Variants in ZNF718 observed in about 807,000 individuals in gnomAD.
The protein encoded by ZNF718 is zinc finger protein 718.
Under a neutral mutation model 2.6 loss-of-function variants are expected in ZNF718, and 3 were observed. The ratio of observed to expected loss-of-function variants is 1.16; its 90% CI spans 0.53 to 3.01. The LOEUF (loss-of-function observed/expected upper bound fraction) is 3.01, where lower values mean the gene tolerates loss of function less well. Among genes scored for constraint, ZNF718 ranks in the 30% most tolerant of loss-of-function variants. ZNF718 has a pLI of 0.03. For missense variants in ZNF718, 468 were observed against 230.0 expected (o/e 2.03, Z -6.69); for synonymous variants, 135 against 77.9 (o/e 1.73, Z -3.86).
chr4:150,641 A>C (rs1553812343), intron 3 of ZNF718, among the ~76,000 whole-genome samples: 1 of 152,112 alleles, frequency 6.6e-6, no homozygotes, highest in East Asian at 1.9e-4. Context: ...GATTTTCTTT[A>C]TCATCTGGCT....
chr4:175,723 A>G (rs1173035404), intron 3 of ZNF718, among the ~76,000 whole-genome samples: 1 of 152,160 alleles, frequency 6.6e-6, no homozygotes, highest in Non-Finnish European at 1.5e-5. Flanking sequence ...CAGATTTACT[A>G]ATATGCCTTT....
At chr4:140,395 G>C (rs899426009) in intron 3 of ZNF718, among the ~76,000 whole-genome samples, 1 of 152,280 alleles carries the variant, frequency 6.6e-6, no homozygotes, top group African/African-American at 2.4e-5. Context: ...TTGCAATGCT[G>C]TTTGGCCCCA....
chr4:136,333 G>C (rs1715570387), intron 3 of ZNF718: 2 of 519,064 alleles, frequency 3.9e-6, no homozygotes, highest in Non-Finnish European at 7.7e-6. Flanking sequence ...CTGCTTCAGG[G>C]AACATAGCTG....
intron 3 of ZNF718, among the ~76,000 whole-genome samples, chr4:192,550 C>G (rs546162524): frequency 2.0e-5 from 3 of 152,042 alleles, no homozygotes; most frequent in African/African-American, 7.3e-5. Context: ...TCTCAGTCCC[C>G]CCTCTCAACA....
intron 3 of ZNF718, among the ~76,000 whole-genome samples, chr4:175,888 G>A (rs936160329): frequency 1.4e-4 from 17 of 120,808 alleles, no homozygotes; most frequent in Non-Finnish European, 2.7e-4. Flanking sequence ...ATGGAGTCTC[G>A]CTCTGTGGCC....
chr4:125,624 G>T (rs1173571529), intron 1 of ZNF718, among the ~76,000 whole-genome samples: 6 of 152,218 alleles, frequency 3.9e-5, no homozygotes, highest in Non-Finnish European at 5.9e-5. Context: ...CTGCACAGGC[G>T]CTGTCCCGCT....
chr4:193,839 A>G (rs1469233934), intron 3 of ZNF718, among the ~76,000 whole-genome samples: 1 of 152,206 alleles, frequency 6.6e-6, no homozygotes, highest in African/African-American at 2.4e-5. Flanking sequence ...TCTGACTAAG[A>G]GAACCTTCAT....
chr4:125,199 T>TG (rs1715149077), intron 1 of ZNF718: 1 of 154,650 alleles, frequency 6.5e-6, no homozygotes, highest in Admixed American at 6.3e-5. Context: ...CCTTGCCCTG[T>TG]GCGCCTCCTC....
intron 3 of ZNF718, among the ~76,000 whole-genome samples, chr4:178,803 C>T (rs1396979750): frequency 1.3e-5 from 2 of 152,130 alleles, no homozygotes; most frequent in East Asian, 3.8e-4. Context: ...TAATTCCTGT[C>T]GAATAGATTA....
intron 3 of ZNF718, chr4:141,931 T>G (rs1299033290): frequency 6.6e-6 from 3 of 457,386 alleles, no homozygotes; most frequent in Non-Finnish European, 1.3e-5. Context: ...TTCTGTTGTA[T>G]AAAAGCTTTA....
At chr4:199,319 C>A (rs1717853984) in intron 3 of ZNF718, among the ~76,000 whole-genome samples, 1 of 152,242 alleles carries the variant, frequency 6.6e-6, no homozygotes, top group African/African-American at 2.4e-5. Context: ...CATTCCCCAC[C>A]ATGACTCTGG....
intron 3 of ZNF718, among the ~76,000 whole-genome samples, chr4:140,268 C>T (rs782132444): frequency 2.6e-5 from 4 of 152,082 alleles, no homozygotes; most frequent in Non-Finnish European, 5.9e-5. Context: ...ACACTGAGAT[C>T]GGATCCACAG....
chr4:125,657 GCCT>G (rs1715176409), intron 1 of ZNF718, among the ~76,000 whole-genome samples: 1 of 152,174 alleles, frequency 6.6e-6, no homozygotes, highest in Non-Finnish European at 1.5e-5. Flanking sequence ...CTTCCTCCAG[GCCT>G]CCTCCCGGGG....
intron 3 of ZNF718, among the ~76,000 whole-genome samples, chr4:140,462 C>T (rs541151006): frequency 6.6e-6 from 1 of 152,274 alleles, no homozygotes; most frequent in Admixed American, 6.5e-5. Context: ...GGCATTGTAT[C>T]TATGCAGGCT....
chr4:149,484 A>G (rs1339083608), intron 3 of ZNF718, among the ~76,000 whole-genome samples: 2 of 151,994 alleles, frequency 1.3e-5, no homozygotes, highest in South Asian at 4.1e-4. Context: ...TCATGTAGAT[A>G]CTCCTTGATT....
intron 3 of ZNF718, among the ~76,000 whole-genome samples, chr4:192,146 T>G (rs915953434): frequency 1.3e-5 from 2 of 151,936 alleles, no homozygotes; most frequent in African/African-American, 2.4e-5. Flanking sequence ...TCTGCGATGG[T>G]GGTGATCAGC....
intron 3 of ZNF718, among the ~76,000 whole-genome samples, chr4:178,051 G>C (rs1717384993): frequency 6.6e-6 from 1 of 152,016 alleles, no homozygotes; most frequent in Non-Finnish European, 1.5e-5. Flanking sequence ...TGGTTAAACT[G>C]TCAGAATATA....
At chr4:197,330 A>G (rs1372308505) in intron 3 of ZNF718, among the ~76,000 whole-genome samples, 3 of 152,014 alleles carry the variant, frequency 2.0e-5, no homozygotes, top group Non-Finnish European at 2.9e-5. Flanking sequence ...TTTTTCATAT[A>G]AAAAAAGATG....
intron 3 of ZNF718, among the ~76,000 whole-genome samples, chr4:134,901 C>T (rs1241446414): frequency 1.3e-5 from 2 of 152,040 alleles, no homozygotes; most frequent in Non-Finnish European, 2.9e-5. Context: ...ACCTGGGCAA[C>T]AGAGTATTAA....
Sources: allele counts gnomAD v4.1 joint callset (sites outside exome capture counted in the v4.1 genomes callset), GRCh38; gene constraint gnomAD v4.1.1; transcripts MANE v1.5; gene names NCBI Gene and HGNC (gene_info 2026-07-23, HGNC 2026-07-21).